CORO2B: variants seen among roughly 807,000 people sequenced by gnomAD.
The protein encoded by CORO2B is coronin 2B, also known as coronin-2B.
Under a neutral mutation model 58.8 loss-of-function variants are expected in CORO2B, and 26 were observed. The observed-to-expected ratio is 0.44, with a 90% CI of 0.32 to 0.61. The LOEUF (loss-of-function observed/expected upper bound fraction) is 0.61. Ranked by LOEUF, CORO2B falls within the 20% of genes least tolerant of loss-of-function variation. CORO2B has a pLI of 0.04. For synonymous variants in CORO2B, 242 were observed against 253.8 expected (o/e 0.95, Z 0.44); for missense variants, 460 against 645.1 (o/e 0.71, Z 3.11).
At chr15:68,573,291 T>C in the CORO2B span, among the ~76,000 whole-genome samples, 3 of 150,206 alleles carry the variant, frequency 2.0e-5, no homozygotes. Flanking sequence ...AGACTAGCAG[T>C]GGGACAAAGA....
chr15:68,699,828 C>T (rs915268573), intron 3 of CORO2B, among the ~76,000 whole-genome samples: 2 of 152,230 alleles, frequency 1.3e-5, no homozygotes, highest in African/African-American at 4.8e-5. Flanking sequence ...CTCAGCCCCT[C>T]ACCAGTGGCC....
the CORO2B span, among the ~76,000 whole-genome samples, chr15:68,556,806 C>T: frequency 1.3e-5 from 2 of 152,216 alleles, no homozygotes; most frequent in African/African-American, 4.8e-5. Context: ...CCCACGTGAC[C>T]TTGTCATGGA....
At chr15:68,673,450 C>T (rs753100035) in intron 2 of CORO2B, among the ~76,000 whole-genome samples, 2 of 151,930 alleles carry the variant, frequency 1.3e-5, no homozygotes, top group Admixed American at 6.6e-5. Context: ...ACTGGACAGT[C>T]GAGGCTGCAG....
At chr15:68,620,733 C>T (rs1432566012) in intron 1 of CORO2B, among the ~76,000 whole-genome samples, 1 of 152,182 alleles carries the variant, frequency 6.6e-6, no homozygotes, top group Non-Finnish European at 1.5e-5. Flanking sequence ...GATAAATAAA[C>T]TGAGGCCCAG....
At chr15:68,599,472 A>G (rs1248498676) in intron 1 of CORO2B, among the ~76,000 whole-genome samples, 2 of 152,248 alleles carry the variant, frequency 1.3e-5, no homozygotes, top group Non-Finnish European at 2.9e-5. Context: ...TGCATGCGTC[A>G]TAGCTTCAGC....
At chr15:68,530,827 A>G in the CORO2B span, among the ~76,000 whole-genome samples, 4 of 152,046 alleles carry the variant, frequency 2.6e-5, no homozygotes, top group East Asian at 3.9e-4. Context: ...TCCTCCTTTT[A>G]CTTAGAAAAT....
At chr15:68,701,683 A>T (rs1219628586) in intron 3 of CORO2B, among the ~76,000 whole-genome samples, 1 of 151,540 alleles carries the variant, frequency 6.6e-6, no homozygotes, top group Admixed American at 6.6e-5. Context: ...ACGGGGTTTC[A>T]TCGTGTTAGC....
the CORO2B span, chr15:68,559,588 G>A: frequency 1.0e-6 from 1 of 985,338 alleles, no homozygotes; most frequent in Non-Finnish European, 1.2e-6. The surrounding 1 kb of genome is among the most constrained non-coding windows in gnomAD (Gnocchi z 4.3). Context: ...ACCAGACGGG[G>A]AGCAGACGGA....
chr15:68,525,262 G>T, the CORO2B span, among the ~76,000 whole-genome samples: 1 of 152,178 alleles, frequency 6.6e-6, no homozygotes, highest in African/African-American at 2.4e-5. Flanking sequence ...CAAAATTCAG[G>T]GGGGACGGGG....
chr15:68,705,732 C>A (rs1440504244), intron 3 of CORO2B, among the ~76,000 whole-genome samples: 1 of 152,176 alleles, frequency 6.6e-6, no homozygotes, highest in Non-Finnish European at 1.5e-5. Flanking sequence ...CTGGGCTTAG[C>A]CCCTAGGCTC....
chr15:68,691,102 G>T (rs1892351958), intron 2 of CORO2B, among the ~76,000 whole-genome samples: 1 of 151,332 alleles, frequency 6.6e-6, no homozygotes, highest in African/African-American at 2.4e-5. Flanking sequence ...GGCCAAGGCG[G>T]GTGGATCACG....
the CORO2B span, among the ~76,000 whole-genome samples, chr15:68,549,953 A>AAAATAAAAAAATAAATAAAT: frequency 6.9e-6 from 1 of 144,488 alleles, no homozygotes; most frequent in Admixed American, 7.0e-5. Context: ...AAAATAAAAT[A>AAAATAAAAAAATAAATAAAT]AAATAAATAA....
chr15:68,658,998 C>A (rs1339191848), intron 2 of CORO2B, among the ~76,000 whole-genome samples: 2 of 152,242 alleles, frequency 1.3e-5, no homozygotes, highest in East Asian at 1.9e-4. Context: ...CACATGCATA[C>A]AACTCTACCC....
At chr15:68,519,638 C>T in the CORO2B span, among the ~76,000 whole-genome samples, 1 of 151,874 alleles carries the variant, frequency 6.6e-6, no homozygotes, top group Non-Finnish European at 1.5e-5. Flanking sequence ...GATGATTTTC[C>T]TTTGTTGTTT....
chr15:68,546,987 A>T, the CORO2B span, among the ~76,000 whole-genome samples: 1 of 152,352 alleles, frequency 6.6e-6, no homozygotes, highest in East Asian at 1.9e-4. Context: ...TCCAGAAAAG[A>T]CTCAAAGCAG....
At chr15:68,714,157 C>G (rs1892980552) in intron 6 of CORO2B, 116 bp downstream of exon 6, 2 of 686,146 alleles carry the variant, frequency 2.9e-6, no homozygotes, top group Non-Finnish European at 5.0e-6. Context: ...ATAGCATTCC[C>G]AGTGGAGAAA....
chr15:68,607,505 C>T (rs1267668412), intron 1 of CORO2B, among the ~76,000 whole-genome samples: 1 of 152,082 alleles, frequency 6.6e-6, no homozygotes, highest in African/African-American at 2.4e-5. Flanking sequence ...TGGAACCTGC[C>T]TCAAAGTCTT....
the CORO2B span, among the ~76,000 whole-genome samples, chr15:68,560,848 C>T: frequency 2.0e-5 from 3 of 152,292 alleles, no homozygotes; most frequent in South Asian, 2.1e-4. Context: ...CTGCACAACC[C>T]GAGGGGACCA....
intron 2 of CORO2B, among the ~76,000 whole-genome samples, chr15:68,667,423 G>A (rs115886614): frequency 5.0e-4 from 76 of 152,320 alleles, no homozygotes; most frequent in African/African-American, 1.7e-3. Context: ...GCTTCTAGGC[G>A]ATGGGCTCCT....
Sources: allele counts gnomAD v4.1 joint callset (sites outside exome capture counted in the v4.1 genomes callset), GRCh38; gene constraint gnomAD v4.1.1; non-coding constraint Gnocchi (gnomAD v3.1); transcripts MANE v1.5; gene names NCBI Gene and HGNC (gene_info 2026-07-23, HGNC 2026-07-21).